The following SUMF1 variants were observed in gnomAD, a reference collection of about 807,000 sequenced individuals.
SUMF1 encodes sulfatase modifying factor 1.
A neutral mutation model predicts 47.6 loss-of-function variants in SUMF1; 48 were observed. That is an observed-to-expected ratio of 1.01 (90% confidence interval 0.80 to 1.28). The LOEUF is 1.28. Ranked by LOEUF, SUMF1 falls within the 50% of genes most tolerant of loss-of-function variation. SUMF1 has a pLI of 0.00. For synonymous variants in SUMF1, 230 were observed against 192.1 expected (o/e 1.20, Z -1.63); for missense variants, 571 against 485.4 (o/e 1.18, Z -1.66).
chr3:4,227,221 G>C (rs888843541), intron 8 of SUMF1, among the ~76,000 whole-genome samples: 3 of 151,996 alleles, frequency 2.0e-5, no homozygotes, highest in African/African-American at 7.3e-5. Flanking sequence ...TCATTTCCTT[G>C]ACCATTCAAG....
chr3:4,299,919 G>A (rs1274101142), intron 8 of SUMF1, among the ~76,000 whole-genome samples: 1 of 152,202 alleles, frequency 6.6e-6, no homozygotes, highest in African/African-American at 2.4e-5. Context: ...ATTTAGTCAT[G>A]GCTGATTTCA....
chr3:4,419,856 C>T (rs937185065), intron 4 of SUMF1, among the ~76,000 whole-genome samples: 4 of 152,222 alleles, frequency 2.6e-5, no homozygotes, highest in Non-Finnish European at 5.9e-5. Context: ...AAAGAGGCCA[C>T]TAATTAAGAG....
chr3:4,244,414 T>C (rs1423986625), intron 8 of SUMF1, among the ~76,000 whole-genome samples: 1 of 152,250 alleles, frequency 6.6e-6, no homozygotes, highest in African/African-American at 2.4e-5. Flanking sequence ...CCTTCCCATG[T>C]TTACTGCATC....
intron 8 of SUMF1, among the ~76,000 whole-genome samples, chr3:4,374,897 G>T (rs1700276369): frequency 6.6e-6 from 1 of 151,998 alleles, no homozygotes; most frequent in Admixed American, 6.6e-5. Context: ...CACAGTGGCT[G>T]ATGCCTGTAA....
chr3:4,119,699 C>T (rs1354540987), intron 8 of SUMF1, among the ~76,000 whole-genome samples: 1 of 149,726 alleles, frequency 6.7e-6, no homozygotes, highest in South Asian at 2.1e-4. Context: ...CAAGAGGCCA[C>T]ACACACATAC....
rs532925207 is a variant in SUMF1, at chr3:4,405,788, C to T, written c.954+5077G>A. Among the ~76,000 whole-genome samples, 13 of 152,298 alleles carry T rather than the reference C, an allele frequency of 8.5e-5. No homozygotes were observed. The East Asian group carries it at 2.5e-3, about 29-fold the overall frequency. ...CAATCTATTAGACAATCAAATTCCACATTAACAGAAGCAAAACAAACTGAA... is the reference window on the plus strand; with the variant it reads ...CAATCTATTAGACAATCAAATTCCATATTAACAGAAGCAAAACAAACTGAA... On this transcript the variant is annotated intron_variant, in intron 7 of 8. Transcript: ENST00000272902.
chr3:4,399,618 C>T (rs1011929583), intron 7 of SUMF1, among the ~76,000 whole-genome samples: 1 of 152,094 alleles, frequency 6.6e-6, no homozygotes, highest in African/African-American at 2.4e-5. Context: ...TAATTCACTG[C>T]CAAGAAAAAA....
intron 8 of SUMF1, among the ~76,000 whole-genome samples, chr3:4,269,237 A>G (rs1474170358): frequency 6.6e-6 from 1 of 152,150 alleles, no homozygotes; most frequent in African/African-American, 2.4e-5. Context: ...TTAGTTACAT[A>G]TGTATACATG....
At chr3:4,115,652 C>T (rs1693406281) in intron 8 of SUMF1, among the ~76,000 whole-genome samples, 1 of 151,928 alleles carries the variant, frequency 6.6e-6, no homozygotes, top group African/African-American at 2.4e-5. Context: ...GGGAACTTTC[C>T]CCATTTACCT....
At chr3:4,171,235 G>A (rs1694825888) in intron 8 of SUMF1, among the ~76,000 whole-genome samples, 1 of 152,164 alleles carries the variant, frequency 6.6e-6, no homozygotes, top group Non-Finnish European at 1.5e-5. Flanking sequence ...GAGTATTGCA[G>A]ATGCTCTGCG....
chr3:4,336,308 G>C (rs151331558), intron 8 of SUMF1, among the ~76,000 whole-genome samples: 3 of 152,322 alleles, frequency 2.0e-5, no homozygotes, highest in Non-Finnish European at 2.9e-5. Context: ...AGTCTTGTGA[G>C]GGTCTGATTA....
intron 8 of SUMF1, among the ~76,000 whole-genome samples, chr3:4,106,655 C>A (rs1693165199): frequency 6.6e-6 from 1 of 151,984 alleles, no homozygotes; most frequent in African/African-American, 2.4e-5. Context: ...CCGAATAATC[C>A]ACAAAGTAGT....
At chr3:4,450,945 G>A (rs1702948289) in intron 2 of SUMF1, among the ~76,000 whole-genome samples, 1 of 152,044 alleles carries the variant, frequency 6.6e-6, no homozygotes, top group Non-Finnish European at 1.5e-5. Context: ...TAAAGCTGGA[G>A]AGATGGGAAA....
chr3:4,446,223 A>G (rs1325766397), intron 3 of SUMF1, among the ~76,000 whole-genome samples: 2 of 152,084 alleles, frequency 1.3e-5, no homozygotes, highest in Non-Finnish European at 2.9e-5. Flanking sequence ...CCCACCTGTC[A>G]TGGGAGGGAC....
chr3:4,188,768 CA>C (rs1695255177), intron 8 of SUMF1, among the ~76,000 whole-genome samples: 1 of 152,088 alleles, frequency 6.6e-6, no homozygotes, highest in Non-Finnish European at 1.5e-5. Context: ...ACAATTACCT[CA>C]AAAAGTGTGA....
At chr3:4,172,950 T>C (rs1694867276) in intron 8 of SUMF1, among the ~76,000 whole-genome samples, 1 of 152,226 alleles carries the variant, frequency 6.6e-6, no homozygotes, top group Non-Finnish European at 1.5e-5. Flanking sequence ...TTGAATGGTA[T>C]TGCCTCGGTT....
chr3:4,081,385 A>T (rs1318733856), intron 8 of SUMF1, among the ~76,000 whole-genome samples: 2 of 152,154 alleles, frequency 1.3e-5, no homozygotes, highest in Non-Finnish European at 2.9e-5. Context: ...GATCCCTGTC[A>T]TATTCTCATT....
intron 8 of SUMF1, among the ~76,000 whole-genome samples, chr3:4,175,279 T>G (rs115448626): frequency 0.044 from 6,640 of 152,056 alleles, 423 homozygotes; most frequent in East Asian, 0.18. Flanking sequence ...CACCTCCCAG[T>G]TGGGGTCGAC....
chr3:4,122,014 C>A (rs1693556188), intron 8 of SUMF1, among the ~76,000 whole-genome samples: 1 of 152,084 alleles, frequency 6.6e-6, no homozygotes, highest in Non-Finnish European at 1.5e-5. Flanking sequence ...TGGCCTCCAG[C>A]TCCATCCATG....
Sources: allele counts gnomAD v4.1 joint callset (sites outside exome capture counted in the v4.1 genomes callset), GRCh38; gene constraint gnomAD v4.1.1; transcripts MANE v1.5; gene names NCBI Gene and HGNC (gene_info 2026-07-23, HGNC 2026-07-21).